Variants in SUGCT observed in about 807,000 individuals in gnomAD.
SUGCT encodes succinyl-CoA:glutarate CoA-transferase.
Under a neutral mutation model 55.0 loss-of-function variants are expected in SUGCT, and 41 were observed. The ratio of observed to expected loss-of-function variants is 0.74; its 90% CI spans 0.58 to 0.97. The LOEUF (loss-of-function observed/expected upper bound fraction) is 0.97, where lower values mean the gene tolerates loss of function less well. Among genes scored for constraint, SUGCT ranks in the 50% least tolerant of loss-of-function variants. The pLI is 0.00. For synonymous variants in SUGCT, 187 were observed against 200.4 expected, an observed-to-expected ratio of 0.93 and a Z score of 0.56; for missense variants, 568 against 547.8, an observed-to-expected ratio of 1.04 and a Z score of -0.37.
chr7:40,434,014 G>A (rs952608500), intron 9 of SUGCT, among the ~76,000 whole-genome samples: 13 of 152,146 alleles, frequency 8.5e-5, no homozygotes, highest in African/African-American at 2.9e-4. Context: ...GTTATTATAA[G>A]TGGTTTTAGA....
intron 4 of SUGCT, among the ~76,000 whole-genome samples, chr7:40,189,205 G>A (rs1785730732): frequency 1.3e-5 from 2 of 152,230 alleles, no homozygotes; most frequent in African/African-American, 2.4e-5. Context: ...AGCTGGGCGT[G>A]GTGGCGTGTG....
At chr7:40,741,789 T>G (rs1787474270) in intron 12 of SUGCT, among the ~76,000 whole-genome samples, 1 of 152,292 alleles carries the variant, frequency 6.6e-6, no homozygotes, top group Admixed American at 6.5e-5. Context: ...AATGGGTGAA[T>G]CTCAGAAACA....
intron 5 of SUGCT, among the ~76,000 whole-genome samples, chr7:40,191,653 C>T (rs1227974564): frequency 3.9e-5 from 6 of 152,214 alleles, no homozygotes; most frequent in East Asian, 1.9e-4. Context: ...CATGCCTCAG[C>T]CACCCAAAAT....
At chr7:40,559,374 C>T (rs1194367973) in intron 12 of SUGCT, among the ~76,000 whole-genome samples, 1 of 152,244 alleles carries the variant, frequency 6.6e-6, no homozygotes, top group African/African-American at 2.4e-5. Flanking sequence ...TGTTTTAAAA[C>T]TTCCAATGTT....
chr7:40,443,506 C>T (rs1328348907), intron 9 of SUGCT, among the ~76,000 whole-genome samples: 1 of 152,186 alleles, frequency 6.6e-6, no homozygotes, highest in African/African-American at 2.4e-5. Context: ...TGTCTGTTGG[C>T]TGCATAAATA....
At chr7:40,985,291 G>T in the SUGCT span, among the ~76,000 whole-genome samples, 1 of 152,114 alleles carries the variant, frequency 6.6e-6, no homozygotes, top group Non-Finnish European at 1.5e-5. Context: ...GACATTTATG[G>T]AGCACCTGGT....
At chr7:40,506,881 C>T (rs369622266) in intron 12 of SUGCT, among the ~76,000 whole-genome samples, 2 of 152,094 alleles carry the variant, frequency 1.3e-5, no homozygotes, top group Non-Finnish European at 2.9e-5. Context: ...ATATTTGGTT[C>T]GTTTTAATAA....
chr7:40,183,712 G>C (rs1785345802), intron 3 of SUGCT, among the ~76,000 whole-genome samples: 2 of 152,130 alleles, frequency 1.3e-5, no homozygotes, highest in Admixed American at 6.5e-5. Flanking sequence ...CCTAAGCTTA[G>C]ATCAGTTTTT....
chr7:40,761,174 A>G (rs1436026551), intron 13 of SUGCT, among the ~76,000 whole-genome samples: 1 of 152,200 alleles, frequency 6.6e-6, no homozygotes, highest in African/African-American at 2.4e-5. Context: ...TGACCAGTCA[A>G]ATAAGACACA....
At chr7:40,876,316 A>AG in the SUGCT span, among the ~76,000 whole-genome samples, 2 of 152,126 alleles carry the variant, frequency 1.3e-5, no homozygotes, top group African/African-American at 4.8e-5. Flanking sequence ...AACTTTCCTA[A>AG]GTCATAGAAC....
intron 12 of SUGCT, among the ~76,000 whole-genome samples, chr7:40,589,278 CT>C (rs1351442102): frequency 6.6e-6 from 1 of 152,074 alleles, no homozygotes; most frequent in Non-Finnish European, 1.5e-5. Context: ...TTTTCTGCTA[CT>C]TTAACAATGC....
At chr7:40,706,180 A>G (rs1300330639) in intron 12 of SUGCT, among the ~76,000 whole-genome samples, 1 of 152,192 alleles carries the variant, frequency 6.6e-6, no homozygotes, top group Non-Finnish European at 1.5e-5. Flanking sequence ...TGTGTCTTCA[A>G]TCATGATAGT....
intron 8 of SUGCT, among the ~76,000 whole-genome samples, chr7:40,301,211 C>G (rs950244802): frequency 2.0e-5 from 3 of 152,168 alleles, no homozygotes; most frequent in African/African-American, 7.2e-5. Context: ...TTTCACCATT[C>G]TGTCTCAGCA....
At chr7:40,573,281 G>A (rs1302062093) in intron 12 of SUGCT, among the ~76,000 whole-genome samples, 1 of 152,212 alleles carries the variant, frequency 6.6e-6, no homozygotes, top group African/African-American at 2.4e-5. Context: ...CCAGAGGCCA[G>A]CTGTGGATCT....
At chr7:40,645,763 A>G (rs1394261014) in intron 12 of SUGCT, among the ~76,000 whole-genome samples, 5 of 151,728 alleles carry the variant, frequency 3.3e-5, no homozygotes, top group Admixed American at 2.0e-4. Context: ...ATCTGGGTCT[A>G]CTGCACAGTG....
chr7:40,955,111 G>T, the SUGCT span, among the ~76,000 whole-genome samples: 2 of 152,130 alleles, frequency 1.3e-5, no homozygotes, highest in Non-Finnish European at 2.9e-5. Flanking sequence ...GGATTGTCTT[G>T]AATATATGGG....
intron 1 of SUGCT, among the ~76,000 whole-genome samples, chr7:40,172,635 C>T (rs7780858): frequency 0.46 from 69,390 of 151,834 alleles, 16,083 homozygotes; most frequent in Middle Eastern, 0.63. Context: ...TAGGGGCGCA[C>T]GCATGGGCAA....
chr7:40,636,406 C>G (rs1044826315), intron 12 of SUGCT, among the ~76,000 whole-genome samples: 13 of 152,166 alleles, frequency 8.5e-5, no homozygotes, highest in Admixed American at 8.5e-4. Context: ...TGTATTGCCT[C>G]TGTCTGAGCC....
intron 9 of SUGCT, among the ~76,000 whole-genome samples, chr7:40,363,861 G>A (rs1405432138): frequency 4.3e-4 from 66 of 152,156 alleles, no homozygotes; most frequent in Non-Finnish European, 2.2e-4. Flanking sequence ...CAATTCCTGG[G>A]TATCCTTGTT....
Sources: gnomAD v4.1 joint callset for allele counts (sites outside exome capture counted in the v4.1 genomes callset) on GRCh38, gnomAD v4.1.1 for gene constraint, MANE v1.5 for transcripts, NCBI Gene and HGNC (gene_info 2026-07-23, HGNC 2026-07-21) for gene names.